Variants in KLC1 observed in about 807,000 individuals in gnomAD.
KLC1 encodes kinesin 2 60/70kDa.
A neutral mutation model predicts 84.2 loss-of-function variants in KLC1; 30 were observed. The observed-to-expected ratio is 0.36, with a 90% CI of 0.27 to 0.48. The LOEUF (loss-of-function observed/expected upper bound fraction) is 0.48, where lower values mean the gene tolerates loss of function less well. Among genes scored for constraint, KLC1 ranks in the 20% least tolerant of loss-of-function variants. KLC1 has a pLI of 0.99. For synonymous variants in KLC1, 289 were observed against 293.3 expected (o/e 0.99, Z 0.15); for missense variants, 499 against 805.4 (o/e 0.62, Z 4.60).
rs2082215810 is a variant in KLC1 at position 103,693,118 on chromosome 14, G to T, written c.1848+693G>T. Reference sequence around the variant, plus strand: ...TTGGGACTTGGCAGTCCCTGCCCCTGTGCTGGTGCTGAGAGTTCGCGACAG... The same window carrying T: ...TTGGGACTTGGCAGTCCCTGCCCCTTTGCTGGTGCTGAGAGTTCGCGACAG... On this transcript the variant is annotated intron_variant, in intron 15 of 16. Transcript: ENST00000334553. This position sits in a 1 kb window ranked among gnomAD's most constrained non-coding sequence, Gnocchi z 5.1. Among the ~76,000 whole-genome samples, 1 of 152,218 alleles carries T rather than the reference G, an allele frequency of 6.6e-6. No homozygotes were observed. The highest frequency in any genetic ancestry group is 1.5e-5 in the Non-Finnish European group (1 of 68,036).
At chr14:103,656,973 A>G (rs2078883961) in intron 2 of KLC1, among the ~76,000 whole-genome samples, 1 of 152,170 alleles carries the variant, frequency 6.6e-6, no homozygotes, top group African/African-American at 2.4e-5. Context: ...CTCTGTAGGC[A>G]GAGCCCTGGA....
intron 1 of KLC1, among the ~76,000 whole-genome samples, chr14:103,634,640 G>T (rs1462418597): frequency 6.6e-6 from 1 of 152,126 alleles, no homozygotes; most frequent in Non-Finnish European, 1.5e-5. Flanking sequence ...AGAGGAGGGA[G>T]GAGATCAGTA....
chr14:103,645,172 C>T (rs2077818484), intron 1 of KLC1, among the ~76,000 whole-genome samples: 1 of 152,082 alleles, frequency 6.6e-6, no homozygotes, highest in Non-Finnish European at 1.5e-5. Context: ...GGGGTTTCTC[C>T]ATGTTTGCTA....
At chr14:103,669,781 G>A (rs2080222491) in intron 6 of KLC1, among the ~76,000 whole-genome samples, 183 bp downstream of exon 6, 1 of 152,194 alleles carries the variant, frequency 6.6e-6, no homozygotes, top group African/African-American at 2.4e-5. Context: ...CACTTAATTT[G>A]TTTATGACCC....
At chr14:103,632,721 C>T (rs1451533667) in intron 1 of KLC1, among the ~76,000 whole-genome samples, 1 of 151,284 alleles carries the variant, frequency 6.6e-6, no homozygotes, top group Non-Finnish European at 1.5e-5. Context: ...AACTCTGCCT[C>T]AAAAAAAATA....
At chr14:103,639,735 C>T (rs1381325438) in intron 1 of KLC1, among the ~76,000 whole-genome samples, 2 of 149,280 alleles carry the variant, frequency 1.3e-5, no homozygotes, top group African/African-American at 2.5e-5. Context: ...CCACCACACC[C>T]GGCCCAGATG....
At chr14:103,663,270 CG>C (rs1188159313) in intron 5 of KLC1, among the ~76,000 whole-genome samples, 1 of 151,942 alleles carries the variant, frequency 6.6e-6, no homozygotes, top group Non-Finnish European at 1.5e-5. Flanking sequence ...TTAGTAAAGA[CG>C]GGGTTTCATC....
At chr14:103,666,267 G>A (rs1376159597) in intron 5 of KLC1, among the ~76,000 whole-genome samples, 2 of 152,230 alleles carry the variant, frequency 1.3e-5, no homozygotes, top group East Asian at 3.9e-4. Context: ...GTTTCACCAT[G>A]TTAGCCAGGA....
At chr14:103,679,307 A>C in intron 12 of KLC1, 77 bp from the exon 13 acceptor site, 4 of 1,250,966 alleles carry the variant, frequency 3.2e-6, no homozygotes, top group East Asian at 2.7e-5. Flanking sequence ...TTTTTTTTCT[A>C]GCGAAGTATC....
At chr14:103,700,894 G>A (rs1022027588) in intron 16 of KLC1, among the ~76,000 whole-genome samples, 167 bp downstream of exon 16, 2 of 152,180 alleles carry the variant, frequency 1.3e-5, no homozygotes, top group South Asian at 2.1e-4. Flanking sequence ...CCTCATGCAA[G>A]CCCAAGGGCC....
rs199806759 is a variant in KLC1 at position 103,662,969 on chromosome 14, A to C, written c.797+42A>C. On this transcript the variant is annotated intron_variant, in intron 5 of 16. Transcript: ENST00000334553. ...TACCTACTGAATTTTACCTAGAGACAATGTTTTTAACCATCTTGCCCCTTA... is the reference window on the plus strand; with the variant it reads ...TACCTACTGAATTTTACCTAGAGACCATGTTTTTAACCATCTTGCCCCTTA... The C allele has an allele frequency of 2.2e-5, 30 of 1,384,660 alleles. No homozygotes were observed. In the East Asian group the frequency reaches 6.6e-4, roughly 31 times the overall value. 85.8% of individuals were successfully genotyped at this position (1,384,660 alleles called of 1,614,324 possible).
chr14:103,665,349 C>T (rs137890254), intron 5 of KLC1, among the ~76,000 whole-genome samples: 8 of 152,012 alleles, frequency 5.3e-5, no homozygotes, highest in Non-Finnish European at 8.8e-5. Context: ...CGAGGTACCA[C>T]GCCTGGCCAG....
intron 15 of KLC1, chr14:103,696,294 T>C (rs2082510313): frequency 1.1e-5 from 11 of 985,394 alleles, no homozygotes; most frequent in Non-Finnish European, 1.3e-5. Context: ...TCAGGGGTCC[T>C]CAGAGGCCGG....
At chr14:103,663,545 G>C (rs915222670) in intron 5 of KLC1, among the ~76,000 whole-genome samples, 3 of 152,196 alleles carry the variant, frequency 2.0e-5, no homozygotes, top group African/African-American at 7.2e-5. Flanking sequence ...GGCTTCTTTT[G>C]TCTAAATAGC....
chr14:103,634,767 A>T (rs912089011), intron 1 of KLC1, among the ~76,000 whole-genome samples: 9 of 151,640 alleles, frequency 5.9e-5, no homozygotes, highest in Non-Finnish European at 1.2e-4. Flanking sequence ...TTATGTAGAG[A>T]CGGGGGTCTC....
At chr14:103,699,206 G>C in intron 15 of KLC1, 2 of 1,551,238 alleles carry the variant, frequency 1.3e-6, no homozygotes, top group Non-Finnish European at 8.7e-7. Context: ...CAGGTCAGCT[G>C]CAACGGCTGA....
At chr14:103,700,773 G>A (rs2083122814) in intron 16 of KLC1, 46 bp downstream of exon 16, 2 of 1,467,526 alleles carry the variant, frequency 1.4e-6, no homozygotes, top group Non-Finnish European at 1.9e-6. Context: ...AGCTGGGCCA[G>A]GGAGGGACTT....
At chr14:103,698,491 T>A in intron 15 of KLC1, 1 of 442,794 alleles carries the variant, frequency 2.3e-6, no homozygotes, top group Non-Finnish European at 4.2e-6. Context: ...AGGGAGTCAC[T>A]GTAGGACACC....
At chr14:103,696,644 C>T in intron 15 of KLC1, 1 of 985,492 alleles carries the variant, frequency 1.0e-6, no homozygotes, top group East Asian at 1.1e-4. Flanking sequence ...GGCCAGCAGG[C>T]TGCGTGTGCA....
Sources: gnomAD v4.1 joint callset for allele counts (sites outside exome capture counted in the v4.1 genomes callset) on GRCh38, gnomAD v4.1.1 for gene constraint, Gnocchi (gnomAD v3.1) non-coding constraint, MANE v1.5 for transcripts, NCBI Gene and HGNC (gene_info 2026-07-23, HGNC 2026-07-21) for gene names.